CDH13: variants seen among roughly 807,000 people sequenced by gnomAD.
CDH13 encodes cadherin 13.
CDH13 carries 24 observed loss-of-function variants against 63.8 expected under a neutral mutation model. The ratio of observed to expected loss-of-function variants is 0.38; its 90% CI spans 0.27 to 0.53. The LOEUF (loss-of-function observed/expected upper bound fraction) is 0.53, where lower values mean the gene tolerates loss of function less well. Ranked by LOEUF, CDH13 falls within the 20% of genes least tolerant of loss-of-function variation. The pLI is 0.85. For missense variants in CDH13, 1,049 were observed against 903.1 expected, an observed-to-expected ratio of 1.16 and a Z score of -2.07; for synonymous variants, 503 against 355.3, an observed-to-expected ratio of 1.42 and a Z score of -4.67.
chr16:82,965,837 C>T (rs990054262), intron 2 of CDH13, among the ~76,000 whole-genome samples: 1 of 152,126 alleles, frequency 6.6e-6, no homozygotes, highest in Non-Finnish European at 1.5e-5. Flanking sequence ...GAGTATTAGC[C>T]CACTGGTTTA....
chr16:82,715,929 T>C (rs1188166844), intron 1 of CDH13, among the ~76,000 whole-genome samples: 3 of 152,218 alleles, frequency 2.0e-5, no homozygotes, highest in South Asian at 2.1e-4. Flanking sequence ...TGTTACCAGA[T>C]GCCTTTTATG....
intron 7 of CDH13, among the ~76,000 whole-genome samples, chr16:83,543,441 G>T (rs2075329026): frequency 6.6e-6 from 1 of 152,168 alleles, no homozygotes; most frequent in African/African-American, 2.4e-5. Context: ...GGCATTTGAG[G>T]CGCTGACTAT....
intron 8 of CDH13, among the ~76,000 whole-genome samples, chr16:83,657,897 G>A (rs548878898): frequency 1.7e-4 from 26 of 150,192 alleles, no homozygotes; most frequent in African/African-American, 6.2e-4. Flanking sequence ...ATCACCACCA[G>A]GTCCCATATC....
At chr16:83,467,026 C>G (rs1336696704) in intron 6 of CDH13, among the ~76,000 whole-genome samples, 3 of 152,132 alleles carry the variant, frequency 2.0e-5, no homozygotes, top group Admixed American at 1.3e-4. Flanking sequence ...CCAGCTGGAT[C>G]CAGGACTCCA....
intron 1 of CDH13, among the ~76,000 whole-genome samples, chr16:82,712,054 C>G (rs1176590355): frequency 1.3e-5 from 2 of 152,172 alleles, no homozygotes; most frequent in African/African-American, 2.4e-5. Context: ...CCATACTTCT[C>G]TTGGGAGAAA....
intron 2 of CDH13, among the ~76,000 whole-genome samples, chr16:82,916,885 A>T (rs1597208887): frequency 6.6e-6 from 1 of 152,232 alleles, no homozygotes; most frequent in South Asian, 2.1e-4. Flanking sequence ...GGTGTTCCTT[A>T]AATAAAATGA....
intron 7 of CDH13, among the ~76,000 whole-genome samples, chr16:83,564,225 G>A (rs1401907854): frequency 1.3e-5 from 2 of 152,070 alleles, no homozygotes; most frequent in South Asian, 2.1e-4. Context: ...AAATTGGACC[G>A]AGTCTGTATT....
chr16:83,725,632 G>C (rs573277698), intron 10 of CDH13: 1 of 152,220 alleles, frequency 6.6e-6, no homozygotes, highest in Admixed American at 6.5e-5. Context: ...TTGTCAGAAC[G>C]TTAAACAACC....
At chr16:83,060,761 A>T (rs760239326) in intron 3 of CDH13, among the ~76,000 whole-genome samples, 4 of 152,166 alleles carry the variant, frequency 2.6e-5, no homozygotes, top group Non-Finnish European at 5.9e-5. Context: ...GCAGGTAATA[A>T]CTGTCTTATT....
At chr16:83,277,240 A>G (rs1331987454) in intron 5 of CDH13, among the ~76,000 whole-genome samples, 1 of 152,188 alleles carries the variant, frequency 6.6e-6, no homozygotes, top group Non-Finnish European at 1.5e-5. Context: ...ATGACCTTGC[A>G]TTTGGATGGA....
At chr16:83,400,979 G>GCCCC (rs140788066) in intron 6 of CDH13, among the ~76,000 whole-genome samples, 3 of 152,054 alleles carry the variant, frequency 2.0e-5, no homozygotes, top group Non-Finnish European at 4.4e-5. Flanking sequence ...GGAGGTGAAG[G>GCCCC]GATCACTTGA....
At chr16:83,602,373 C>T in intron 7 of CDH13, 81 bp from the exon 8 acceptor site, 1 of 1,426,084 alleles carries the variant, frequency 7.0e-7, no homozygotes, top group South Asian at 1.1e-5. Flanking sequence ...AGAGACAGCT[C>T]CAGCAACACG....
intron 10 of CDH13, among the ~76,000 whole-genome samples, chr16:83,692,003 G>A (rs889414705): frequency 6.6e-6 from 1 of 152,112 alleles, no homozygotes. Flanking sequence ...GGAAGATTCA[G>A]GAAATTACCC....
intron 5 of CDH13, among the ~76,000 whole-genome samples, chr16:83,309,408 C>T (rs773365233): frequency 1.3e-5 from 2 of 151,964 alleles, no homozygotes; most frequent in Non-Finnish European, 2.9e-5. Flanking sequence ...CAGAATCTTA[C>T]TCTGTCACCC....
intron 2 of CDH13, among the ~76,000 whole-genome samples, chr16:82,864,719 C>A (rs1435370920): frequency 3.3e-5 from 5 of 152,104 alleles, no homozygotes; most frequent in African/African-American, 9.7e-5. Flanking sequence ...TGTTATTCCG[C>A]CCCTGGTTCC....
Position 83,795,377 on chromosome 16 carries a change from G to T in CDH13, c.*347G>T. On this transcript the variant is annotated 3_prime_UTR_variant, in exon 14 of 14. Coordinates refer to ENST00000567109, the MANE Select transcript of CDH13 (RefSeq NM_001257.5). ...GGCACCCAGCTTTGTCTGTGGGTTAGTATTGGTGTATGTATGAGTATCTGT... is the reference window on the plus strand; with the variant it reads ...GGCACCCAGCTTTGTCTGTGGGTTATTATTGGTGTATGTATGAGTATCTGT... 3 of 314,956 alleles carry T rather than the reference G, an allele frequency of 9.5e-6. No homozygotes were observed. Among genetic ancestry groups the T allele is most frequent in the Non-Finnish European group, 1.2e-5 (2 of 167,292 alleles). The allele number at this position is 314,956 out of a possible 1,614,324, so 19.5% of individuals were successfully genotyped here. A position where few individuals can be genotyped will look rare whatever the true frequency, so the allele number is the denominator to read the frequency against.
chr16:83,311,875 G>T (rs1023926585), intron 5 of CDH13, among the ~76,000 whole-genome samples: 1 of 152,068 alleles, frequency 6.6e-6, no homozygotes, highest in Non-Finnish European at 1.5e-5. Flanking sequence ...AGGATTTCGA[G>T]ACCAACCTGA....
chr16:82,679,028 C>T (rs1042061982), intron 1 of CDH13, among the ~76,000 whole-genome samples: 7 of 152,154 alleles, frequency 4.6e-5, no homozygotes, highest in African/African-American at 1.4e-4. Flanking sequence ...GCAGCTGAGG[C>T]ACACTCCTCC....
intron 10 of CDH13, among the ~76,000 whole-genome samples, chr16:83,680,820 C>T (rs187986663): frequency 3.5e-4 from 53 of 152,014 alleles, no homozygotes; most frequent in Non-Finnish European, 6.6e-4. Flanking sequence ...CATAGGTCAG[C>T]GCACCTAATG....
Sources: gnomAD v4.1 joint callset for allele counts (sites outside exome capture counted in the v4.1 genomes callset) on GRCh38, gnomAD v4.1.1 for gene constraint, MANE v1.5 for transcripts, NCBI Gene and HGNC (gene_info 2026-07-23, HGNC 2026-07-21) for gene names.